The following DNAH11 variants were observed in gnomAD, a reference collection of about 807,000 sequenced individuals.
The protein encoded by DNAH11 is axonemal beta dynein heavy chain 11.
A neutral mutation model predicts 526.0 loss-of-function variants in DNAH11; 442 were observed. That is an observed-to-expected ratio of 0.84 (90% CI 0.78 to 0.91). The LOEUF (loss-of-function observed/expected upper bound fraction) is 0.91. Ranked by LOEUF, DNAH11 falls within the 40% of genes least tolerant of loss-of-function variation. The probability of loss-of-function intolerance (pLI) is 0.00; values close to 1 mark genes in which losing one functional copy is unlikely to be tolerated. For synonymous variants in DNAH11, 2,461 were observed against 1,935.9 expected (o/e 1.27, Z -7.12); for missense variants, 6,989 against 5,448.7 (o/e 1.28, Z -8.90).
chr7:21,735,201 G>C (rs1384601439), intron 45 of DNAH11, among the ~76,000 whole-genome samples: 1 of 152,116 alleles, frequency 6.6e-6, no homozygotes, highest in East Asian at 1.9e-4. Context: ...CTAAGGCATT[G>C]GTCCCGATTT....
At chr7:21,771,745 G>T (rs1417531294) in intron 55 of DNAH11, among the ~76,000 whole-genome samples, 2 of 152,066 alleles carry the variant, frequency 1.3e-5, no homozygotes, top group Admixed American at 6.6e-5. Context: ...TAGCAGGAAT[G>T]ATATTCTCCC....
chr7:21,865,564 G>A (rs1177263406), intron 70 of DNAH11, among the ~76,000 whole-genome samples: 1 of 152,140 alleles, frequency 6.6e-6, no homozygotes, highest in Non-Finnish European at 1.5e-5. Context: ...ATGAAGTTAT[G>A]GGAGAGAGCC....
At chr7:21,664,171 G>C (rs1027144630) in intron 30 of DNAH11, among the ~76,000 whole-genome samples, 2 of 133,668 alleles carry the variant, frequency 1.5e-5, no homozygotes, top group African/African-American at 5.6e-5. Context: ...AAATTTTATG[G>C]TCACCTGTCT....
intron 68 of DNAH11, among the ~76,000 whole-genome samples, chr7:21,855,098 C>G (rs1464380792): frequency 7.0e-6 from 1 of 142,284 alleles, no homozygotes; most frequent in Non-Finnish European, 1.5e-5. Flanking sequence ...GTGGCGCGAT[C>G]TTGGCTCACT....
At chr7:21,602,127 G>C (rs981269481) in intron 18 of DNAH11, among the ~76,000 whole-genome samples, 6 of 151,984 alleles carry the variant, frequency 3.9e-5, no homozygotes, top group Non-Finnish European at 7.4e-5. Flanking sequence ...ATCACCTGAG[G>C]TTCGGAGTTC....
intron 9 of DNAH11, among the ~76,000 whole-genome samples, chr7:21,587,277 T>C (rs981591723): frequency 2.7e-4 from 41 of 152,206 alleles, no homozygotes; most frequent in African/African-American, 9.4e-4. Flanking sequence ...GGGGGCTCCA[T>C]TGACTGAGCA....
chr7:21,784,449 T>A lies in DNAH11; in HGVS notation c.9506T>A (p.Val3169Glu). 1 of 1,613,364 alleles carries A rather than the reference T, an allele frequency of 6.2e-7. No individual in the cohort carries two copies. Residue 3169 changes from valine (V) to glutamate (E), a missense_variant, in exon 58 of 82, where the codon GTG (valine) becomes GAG (glutamate). Transcript: ENST00000409508. The part of the protein sequence containing the change: ...ERKVTAIQTE[V>E]FQKQRECEAD... ...TAGGTGACAGCCATTCAGACTGAAG[T>A]GTTCCAGAAACAGAGAGAATGTGAA...
intron 45 of DNAH11, among the ~76,000 whole-genome samples, chr7:21,728,258 T>C (rs1785221274): frequency 8.0e-6 from 1 of 125,410 alleles, no homozygotes; most frequent in Non-Finnish European, 1.7e-5. Flanking sequence ...TTTTTTTTTT[T>C]TTTTTTTTTT....
chr7:21,563,812 G>C (rs1282634998), intron 5 of DNAH11, among the ~76,000 whole-genome samples: 1 of 152,172 alleles, frequency 6.6e-6, no homozygotes, highest in Non-Finnish European at 1.5e-5. Flanking sequence ...TAACATTCTA[G>C]TGATGAAGTT....
intron 28 of DNAH11, among the ~76,000 whole-genome samples, chr7:21,655,064 T>A: frequency 6.6e-6 from 1 of 150,922 alleles, no homozygotes; most frequent in South Asian, 2.1e-4. Context: ...TTGTTGTTGG[T>A]TTTCCCCCCC....
At chr7:21,744,297 T>C (rs1269595627) in intron 49 of DNAH11, 141 bp from the exon 50 acceptor site, 39 of 968,920 alleles carry the variant, frequency 4.0e-5, no homozygotes, top group Non-Finnish European at 5.6e-5. Context: ...CCTACTTTTA[T>C]ACACGAACAC....
At chr7:21,832,709 C>T (rs542590256) in intron 65 of DNAH11, among the ~76,000 whole-genome samples, 13 of 152,290 alleles carry the variant, frequency 8.5e-5, no homozygotes, top group African/African-American at 2.9e-4. Flanking sequence ...ACACTAGCAC[C>T]GTTAGCCAAT....
chr7:21,601,982 C>CA (rs1281471116), intron 18 of DNAH11, among the ~76,000 whole-genome samples: 2 of 149,490 alleles, frequency 1.3e-5, no homozygotes, highest in South Asian at 2.1e-4. Flanking sequence ...TTTTTTCATT[C>CA]AAAAAAACTA....
At chr7:21,688,315 A>G (rs987878582) in intron 34 of DNAH11, among the ~76,000 whole-genome samples, 1 of 152,192 alleles carries the variant, frequency 6.6e-6, no homozygotes, top group Non-Finnish European at 1.5e-5. Flanking sequence ...GATTAAATGC[A>G]AAGTACCTGG....
intron 2 of DNAH11, among the ~76,000 whole-genome samples, chr7:21,545,355 C>G (rs1009369108): frequency 5.5e-5 from 8 of 145,204 alleles, no homozygotes; most frequent in African/African-American, 2.0e-4. Flanking sequence ...CTAGACTGTT[C>G]CTGAAAGGAG....
Position 21,801,325 on chromosome 7 carries a change from G to C in DNAH11, c.10165+50G>C, listed in dbSNP as rs766840151. On this transcript the variant is annotated intron_variant, in intron 62 of 81. Coordinates refer to ENST00000409508, the MANE Select transcript of DNAH11 (RefSeq NM_001277115.2). Reference sequence around the variant, plus strand: ...CTAACTAAAATGTTCAGATCAGCTTGTGGGGATTTTATTATTTGCCATCAA... The same window carrying C: ...CTAACTAAAATGTTCAGATCAGCTTCTGGGGATTTTATTATTTGCCATCAA... The C allele has an allele frequency of 7.5e-6, 12 of 1,600,422 alleles. No individual in the cohort carries two copies. The Admixed American group carries it at 2.1e-4, about 28-fold the overall frequency.
At chr7:21,779,654 T>G (rs527603331) in intron 57 of DNAH11, among the ~76,000 whole-genome samples, 1 of 152,340 alleles carries the variant, frequency 6.6e-6, no homozygotes, top group East Asian at 1.9e-4. Flanking sequence ...TTCTGCTTTC[T>G]TTCTACTCAG....
rs770246026 is a variant in DNAH11 at position 21,683,795 on chromosome 7, C to T, written c.5472C>T (p.Pro1824=). 1.2e-6 allele frequency: 2 copies of T among 1,607,248 alleles called. No homozygotes were observed. The highest frequency in any genetic ancestry group is 1.7e-6 in the Non-Finnish European group (2 of 1,176,394). ...TGCAATGCCTTTAGGTTGTCAGTCCCCAAGCTTTTACATGGCTGTCTCAAC... is the reference window on the plus strand; with the variant it reads ...TGCAATGCCTTTAGGTTGTCAGTCCTCAAGCTTTTACATGGCTGTCTCAAC... ...AKLISQKVVS[P]QAFTWLSQLR... is the part of the protein sequence containing the mutation. The change falls in exon 32 of 82, where the codon CCC becomes CCT. Residue 1824 remains proline, a synonymous_variant. Transcript: ENST00000409508.
At chr7:21,701,446 C>T (rs1002295421) in intron 36 of DNAH11, among the ~76,000 whole-genome samples, 8 of 152,208 alleles carry the variant, frequency 5.3e-5, no homozygotes, top group Middle Eastern at 3.4e-3. Flanking sequence ...TGCACCATCA[C>T]GCCCAGCTAA....
Sources: gnomAD v4.1 joint callset for allele counts (sites outside exome capture counted in the v4.1 genomes callset) on GRCh38, gnomAD v4.1.1 for gene constraint, MANE v1.5 for transcripts, NCBI Gene and HGNC (gene_info 2026-07-23, HGNC 2026-07-21) for gene names.